The following GPC5 variants were observed in gnomAD, a reference collection of about 807,000 sequenced individuals.
GPC5 encodes the protein glypican-5.
In GPC5, 47 loss-of-function variants were observed where a neutral mutation model predicts 53.9. The observed-to-expected ratio is 0.87, with a 90% confidence interval of 0.69 to 1.11. The LOEUF is 1.11. GPC5 is among the 50% of genes most tolerant of loss of function. The probability of loss-of-function intolerance (pLI) is 0.00; values close to 1 mark genes in which losing one functional copy is unlikely to be tolerated. For synonymous variants in GPC5, 286 were observed against 263.3 expected, an observed-to-expected ratio of 1.09 and a Z score of -0.84; for missense variants, 748 against 713.1, an observed-to-expected ratio of 1.05 and a Z score of -0.56.
intron 7 of GPC5, among the ~76,000 whole-genome samples, chr13:92,533,428 A>G (rs1881625681): frequency 6.6e-6 from 1 of 152,182 alleles, no homozygotes; most frequent in African/African-American, 2.4e-5. Flanking sequence ...TATAATGGGA[A>G]TATTCATTTA....
At chr13:92,792,871 C>A (rs1220655857) in intron 7 of GPC5, among the ~76,000 whole-genome samples, 1 of 152,030 alleles carries the variant, frequency 6.6e-6, no homozygotes, top group Non-Finnish European at 1.5e-5. Context: ...ACTGCGGCAC[C>A]CAGATTCATA....
At chr13:92,657,579 GT>G (rs67038073) in intron 7 of GPC5, among the ~76,000 whole-genome samples, 4,411 of 106,640 alleles carry the variant, frequency 0.041, 21 homozygotes, top group Non-Finnish European at 0.055. Context: ...AGGTTTTTTG[GT>G]TTTTTTTTTT....
chr13:91,565,670 T>C (rs2031494944), intron 2 of GPC5, among the ~76,000 whole-genome samples: 1 of 152,246 alleles, frequency 6.6e-6, no homozygotes, highest in Non-Finnish European at 1.5e-5. Context: ...TGAACAAATG[T>C]AACCGACTAT....
intron 6 of GPC5, among the ~76,000 whole-genome samples, chr13:92,111,240 C>T (rs1463502034): frequency 6.6e-6 from 1 of 152,144 alleles, no homozygotes; most frequent in Non-Finnish European, 1.5e-5. Context: ...GCAGCTTCAT[C>T]TACCTACATT....
At chr13:92,210,406 G>T (rs2042366562) in intron 7 of GPC5, among the ~76,000 whole-genome samples, 1 of 152,056 alleles carries the variant, frequency 6.6e-6, no homozygotes, top group Admixed American at 6.6e-5. Flanking sequence ...CTTGAGAATT[G>T]GGGTTCAGTT....
At chr13:91,654,124 G>T (rs1197061928) in intron 2 of GPC5, among the ~76,000 whole-genome samples, 1 of 152,126 alleles carries the variant, frequency 6.6e-6, no homozygotes, top group Non-Finnish European at 1.5e-5. Flanking sequence ...TACCAGGGCA[G>T]TTTCACTTCC....
intron 6 of GPC5, among the ~76,000 whole-genome samples, chr13:91,997,719 C>G (rs1473577536): frequency 6.6e-6 from 1 of 152,078 alleles, no homozygotes; most frequent in Non-Finnish European, 1.5e-5. Flanking sequence ...GGGGTTTCAC[C>G]ATGTTGGCTA....
intron 6 of GPC5, among the ~76,000 whole-genome samples, chr13:91,908,383 C>T (rs2039576881): frequency 6.6e-6 from 1 of 152,026 alleles, no homozygotes; most frequent in South Asian, 2.1e-4. Context: ...AAAGAAAACA[C>T]ATATAAGACC....
At chr13:92,504,543 C>G (rs1399635665) in intron 7 of GPC5, among the ~76,000 whole-genome samples, 1 of 151,864 alleles carries the variant, frequency 6.6e-6, no homozygotes, top group Non-Finnish European at 1.5e-5. Flanking sequence ...ATAACCAAAA[C>G]AATTGCGAAT....
chr13:91,664,428 G>A (rs2035059195), intron 2 of GPC5, among the ~76,000 whole-genome samples: 1 of 152,134 alleles, frequency 6.6e-6, no homozygotes, highest in African/African-American at 2.4e-5. Flanking sequence ...CTTGTGTTTT[G>A]TCCTCCACAC....
chr13:91,454,783 T>A (rs1280237682), intron 2 of GPC5, among the ~76,000 whole-genome samples: 3 of 152,054 alleles, frequency 2.0e-5, no homozygotes, highest in East Asian at 1.9e-4. Flanking sequence ...ATATTTATAT[T>A]CTCATTCTAG....
chr13:92,343,260 C>T (rs1470115220), intron 7 of GPC5, among the ~76,000 whole-genome samples: 1 of 152,098 alleles, frequency 6.6e-6, no homozygotes, highest in Non-Finnish European at 1.5e-5. Flanking sequence ...ATGTCTGTGC[C>T]TTCATCCCAG....
chr13:91,754,370 G>A (rs975104410), intron 4 of GPC5, among the ~76,000 whole-genome samples: 7 of 152,074 alleles, frequency 4.6e-5, no homozygotes, highest in Admixed American at 1.3e-4. Context: ...TTGGACTAAG[G>A]CAATGGCAGT....
At chr13:91,632,832 G>T (rs991675143) in intron 2 of GPC5, among the ~76,000 whole-genome samples, 1 of 152,110 alleles carries the variant, frequency 6.6e-6, no homozygotes, top group African/African-American at 2.4e-5. Context: ...CAGGGTAACA[G>T]AATTTAGAAA....
At chr13:92,243,384 A>T (rs2042627798) in intron 7 of GPC5, among the ~76,000 whole-genome samples, 1 of 152,194 alleles carries the variant, frequency 6.6e-6, no homozygotes, top group African/African-American at 2.4e-5. Flanking sequence ...GTTTTCAAGA[A>T]GTAGATTAAA....
At chr13:92,335,932 A>C (rs1371359308) in intron 7 of GPC5, among the ~76,000 whole-genome samples, 3 of 152,160 alleles carry the variant, frequency 2.0e-5, no homozygotes, top group Non-Finnish European at 4.4e-5. Context: ...ATGAAGTTCC[A>C]AACTTTCCCA....
intron 7 of GPC5, among the ~76,000 whole-genome samples, chr13:92,206,408 A>G (rs1178314026): frequency 6.7e-6 from 1 of 149,268 alleles, no homozygotes; most frequent in African/African-American, 2.5e-5. Flanking sequence ...CTCGTGATCC[A>G]CCCGCTTCGG....
At chr13:92,445,523 T>A (rs1402857443) in intron 7 of GPC5, among the ~76,000 whole-genome samples, 1 of 136,322 alleles carries the variant, frequency 7.3e-6, no homozygotes, top group Non-Finnish European at 1.5e-5. Flanking sequence ...TGTCCATGTG[T>A]TCTCATTGTT....
intron 7 of GPC5, among the ~76,000 whole-genome samples, chr13:92,579,313 CCCTCCCT>C: frequency 8.4e-6 from 1 of 118,640 alleles, no homozygotes; most frequent in Non-Finnish European, 1.7e-5. Flanking sequence ...CTCCCTCCCT[CCCTCCCT>C]CCCTCTCTCT....
Sources: allele counts gnomAD v4.1 joint callset (sites outside exome capture counted in the v4.1 genomes callset), GRCh38; gene constraint gnomAD v4.1.1; transcripts MANE v1.5; gene names NCBI Gene and HGNC (gene_info 2026-07-23, HGNC 2026-07-21).